Variants in DDC observed in about 807,000 individuals in gnomAD.
DDC encodes aromatic-L-amino-acid decarboxylase.
DDC carries 43 observed loss-of-function variants against 60.0 expected under a neutral mutation model. That is an observed-to-expected ratio of 0.72 (90% CI 0.56 to 0.92). The LOEUF (loss-of-function observed/expected upper bound fraction) is 0.92. DDC is among the 40% of genes least tolerant of loss of function. DDC has a pLI of 0.00. For missense variants in DDC, 573 were observed against 620.2 expected, an observed-to-expected ratio of 0.92 and a Z score of 0.81; for synonymous variants, 232 against 234.6, an observed-to-expected ratio of 0.99 and a Z score of 0.10.
At chr7:50,481,283 T>C (rs757499366) in intron 9 of DDC, among the ~76,000 whole-genome samples, 7 of 152,192 alleles carry the variant, frequency 4.6e-5, no homozygotes, top group Non-Finnish European at 8.8e-5. Flanking sequence ...TTTCTTTGAC[T>C]TGTGGAAGAA....
chr7:50,518,043 A>G (rs1006831643), intron 6 of DDC, among the ~76,000 whole-genome samples: 1 of 151,828 alleles, frequency 6.6e-6, no homozygotes, highest in Non-Finnish European at 1.5e-5. Flanking sequence ...CCCCATCTCT[A>G]CTAAAAAATA....
intron 4 of DDC, among the ~76,000 whole-genome samples, chr7:50,537,331 C>T (rs1289671034): frequency 6.6e-6 from 1 of 152,230 alleles, no homozygotes; most frequent in Non-Finnish European, 1.5e-5. Context: ...CGAGGAATAT[C>T]ACGGGCTCTG....
At chr7:50,473,101 A>G (rs2042569041) in intron 11 of DDC, among the ~76,000 whole-genome samples, 1 of 152,248 alleles carries the variant, frequency 6.6e-6, no homozygotes, top group African/African-American at 2.4e-5. Context: ...AGAGAGGGAA[A>G]GAGGTCACTG....
At chr7:50,462,226 CAAAAAAAA>C (rs11410259) in intron 14 of DDC, among the ~76,000 whole-genome samples, 24 of 75,364 alleles carry the variant, frequency 3.2e-4, no homozygotes, top group East Asian at 4.5e-4. Flanking sequence ...GACAAAAAGA[CAAAAAAAA>C]AAAAAAAAAA....
intron 1 of DDC, among the ~76,000 whole-genome samples, chr7:50,564,883 T>C (rs2045397820): frequency 6.6e-6 from 1 of 152,188 alleles, no homozygotes; most frequent in Non-Finnish European, 1.5e-5. Context: ...CATAAAATCA[T>C]GGGATTTAAT....
chr7:50,486,969 A>G (rs1170982913), intron 9 of DDC, among the ~76,000 whole-genome samples: 1 of 152,038 alleles, frequency 6.6e-6, no homozygotes, highest in Non-Finnish European at 1.5e-5. Context: ...TTCTCTTGCA[A>G]CACGTGGATT....
intron 6 of DDC, among the ~76,000 whole-genome samples, chr7:50,511,507 T>A (rs913189697): frequency 1.3e-5 from 2 of 152,008 alleles, no homozygotes; most frequent in African/African-American, 2.4e-5. Flanking sequence ...GGCAGGCAGA[T>A]CACAAGGTCA....
At chr7:50,462,438 T>A (rs2042298884) in intron 14 of DDC, among the ~76,000 whole-genome samples, 1 of 152,106 alleles carries the variant, frequency 6.6e-6, no homozygotes, top group Non-Finnish European at 1.5e-5. Flanking sequence ...GTCTCCAGGG[T>A]TTAACTATGA....
chr7:50,492,926 G>C (rs750845302), intron 9 of DDC: 3 of 1,597,350 alleles, frequency 1.9e-6, no homozygotes, highest in Non-Finnish European at 2.5e-6. Flanking sequence ...TCCACGTCCC[G>C]AAAGGCTCAA....
chr7:50,552,897 C>T (rs967019047), intron 1 of DDC, among the ~76,000 whole-genome samples: 12 of 152,212 alleles, frequency 7.9e-5, no homozygotes, highest in African/African-American at 2.9e-4. Context: ...GGAGCCACAG[C>T]CCCTCCCACC....
At chr7:50,492,865 A>C in intron 9 of DDC, 1 of 1,571,860 alleles carries the variant, frequency 6.4e-7, no homozygotes. Flanking sequence ...TGCTGGCATC[A>C]GCTCTGCAGC....
chr7:50,476,473 G>A (rs960496604), intron 11 of DDC, 151 bp downstream of exon 11: 6 of 741,504 alleles, frequency 8.1e-6, no homozygotes, highest in South Asian at 3.0e-5. Context: ...CACCTGGCAG[G>A]ACCCCCCTAA....
rs187585543 is a variant in DDC at position 50,480,571 on chromosome 7, C to T, written c.945-708G>A. ...TGTAACTGGCATTTGAAGTGGGGGCCGGCTGATGGGACTGAGCCCTTAACC... is the reference window on the plus strand; with the variant it reads ...TGTAACTGGCATTTGAAGTGGGGGCTGGCTGATGGGACTGAGCCCTTAACC... On this transcript the variant is annotated intron_variant, in intron 9 of 14. Transcript: ENST00000444124. Among the ~76,000 whole-genome samples the T allele has an allele frequency of 1.2e-3, 177 of 152,212 alleles. 2 individuals carry two copies. The highest frequency in any genetic ancestry group is 3.2e-4 in the Non-Finnish European group (22 of 68,008).
intron 7 of DDC, among the ~76,000 whole-genome samples, chr7:50,502,411 C>T (rs1230725668): frequency 2.0e-5 from 3 of 152,186 alleles, no homozygotes; most frequent in Non-Finnish European, 4.4e-5. Context: ...CAGCAGAAGA[C>T]CTCGGCCCTT....
At chr7:50,562,437 C>A (rs533186227) in intron 1 of DDC, among the ~76,000 whole-genome samples, 4 of 152,234 alleles carry the variant, frequency 2.6e-5, no homozygotes, top group Non-Finnish European at 4.4e-5. Flanking sequence ...CTCATCCCCC[C>A]AAACACTGTG....
At chr7:50,480,911 G>C (rs4947577) in intron 9 of DDC, among the ~76,000 whole-genome samples, 83,800 of 152,002 alleles carry the variant, frequency 0.55, 23,294 homozygotes, top group Admixed American at 0.62. Flanking sequence ...GAACTCGGAC[G>C]CAAACTCTCA....
At chr7:50,460,969 T>A (rs2042259688) in intron 14 of DDC, among the ~76,000 whole-genome samples, 1 of 151,516 alleles carries the variant, frequency 6.6e-6, no homozygotes, top group African/African-American at 2.4e-5. Context: ...CACTTGTTTA[T>A]CTGCTGACCC....
At chr7:50,560,406 C>T (rs570705088) in intron 1 of DDC, among the ~76,000 whole-genome samples, 2 of 152,298 alleles carry the variant, frequency 1.3e-5, no homozygotes, top group Admixed American at 6.5e-5. Flanking sequence ...CTCACACTTT[C>T]CTCCCTTATT....
At chr7:50,458,916 C>G (rs2042182464) in intron 14 of DDC, 73 bp from the exon 15 acceptor site, 1 of 151,608 alleles carries the variant, frequency 6.6e-6, no homozygotes, top group African/African-American at 2.4e-5. Flanking sequence ...CCCTCTCCCT[C>G]TCCCTCTCCC....
Sources: allele counts gnomAD v4.1 joint callset (sites outside exome capture counted in the v4.1 genomes callset), GRCh38; gene constraint gnomAD v4.1.1; transcripts MANE v1.5; gene names NCBI Gene and HGNC (gene_info 2026-07-23, HGNC 2026-07-21).